Variants in APBB2 observed in about 807,000 individuals in gnomAD.
APBB2 encodes the protein amyloid beta precursor protein binding family B member 2.
In APBB2, 38 loss-of-function variants were observed where a neutral mutation model predicts 82.5. The observed-to-expected ratio is 0.46, with a 90% CI of 0.36 to 0.60. APBB2 has a LOEUF of 0.60. Among genes scored for constraint, APBB2 ranks in the 20% least tolerant of loss-of-function variants. APBB2 has a pLI of 0.00. For synonymous variants in APBB2, 341 were observed against 368.2 expected, an observed-to-expected ratio of 0.93 and a Z score of 0.85; for missense variants, 772 against 972.3, an observed-to-expected ratio of 0.79 and a Z score of 2.74.
At chr4:41,191,544 T>C in intron 1 of APBB2, among the ~76,000 whole-genome samples, 1 of 152,038 alleles carries the variant, frequency 6.6e-6, no homozygotes, top group East Asian at 1.9e-4. Context: ...CAATAAACAG[T>C]ACTAGGAAAA....
intron 10 of APBB2, among the ~76,000 whole-genome samples, chr4:40,901,017 A>G (rs1446796211): frequency 6.6e-6 from 1 of 152,166 alleles, no homozygotes; most frequent in Non-Finnish European, 1.5e-5. Context: ...GACATGGATC[A>G]AGAAGAGTAA....
chr4:41,119,185 T>G (rs1388729194), intron 2 of APBB2, among the ~76,000 whole-genome samples: 1 of 151,856 alleles, frequency 6.6e-6, no homozygotes, highest in African/African-American at 2.4e-5. Flanking sequence ...TGAGGTCAAT[T>G]TTCTTGACTG....
At chr4:41,209,212 C>T (rs1778714929) in intron 1 of APBB2, among the ~76,000 whole-genome samples, 1 of 152,164 alleles carries the variant, frequency 6.6e-6, no homozygotes, top group Non-Finnish European at 1.5e-5. Flanking sequence ...AATGGGATAA[C>T]AACTCCTCAC....
chr4:41,132,190 A>G (rs912892006), intron 2 of APBB2, among the ~76,000 whole-genome samples: 9 of 152,168 alleles, frequency 5.9e-5, no homozygotes, highest in African/African-American at 1.9e-4. Context: ...CGTATCTATT[A>G]CTACATTTCA....
intron 10 of APBB2, among the ~76,000 whole-genome samples, chr4:40,918,555 A>C (rs1780407922): frequency 6.6e-6 from 1 of 152,246 alleles, no homozygotes; most frequent in South Asian, 2.1e-4. Flanking sequence ...CATTTTTGGC[A>C]GTCCTTGTCA....
At chr4:41,003,711 C>A (rs376251634) in intron 6 of APBB2, among the ~76,000 whole-genome samples, 1 of 152,182 alleles carries the variant, frequency 6.6e-6, no homozygotes, top group Non-Finnish European at 1.5e-5. Flanking sequence ...GATGACATTT[C>A]GATTTTGGAT....
chr4:41,009,837 C>T (rs1018943862), intron 6 of APBB2, among the ~76,000 whole-genome samples: 3 of 152,064 alleles, frequency 2.0e-5, no homozygotes, highest in Non-Finnish European at 2.9e-5. Context: ...TATACACATA[C>T]ACATGTATAT....
At chr4:40,873,989 G>A (rs1234191797) in intron 12 of APBB2, among the ~76,000 whole-genome samples, 1 of 152,142 alleles carries the variant, frequency 6.6e-6, no homozygotes, top group Non-Finnish European at 1.5e-5. Flanking sequence ...CTTCCCAAAA[G>A]AATTAAGTGG....
At chr4:40,883,827 G>A (rs1454512466) in intron 12 of APBB2, among the ~76,000 whole-genome samples, 2 of 152,098 alleles carry the variant, frequency 1.3e-5, no homozygotes, top group Non-Finnish European at 2.9e-5. Context: ...TCTATGAAGA[G>A]CTGGGCTGTG....
chr4:40,950,583 C>T (rs958881369), intron 6 of APBB2, among the ~76,000 whole-genome samples: 1 of 151,758 alleles, frequency 6.6e-6, no homozygotes, highest in African/African-American at 2.4e-5. Context: ...TGTGGGGGCT[C>T]ACAGCTGTTA....
intron 4 of APBB2, among the ~76,000 whole-genome samples, chr4:41,047,372 A>G (rs1723824606): frequency 6.6e-6 from 1 of 152,290 alleles, no homozygotes. Flanking sequence ...TTATTGTTAT[A>G]GTCAGGATTT....
chr4:40,819,046 G>C (rs1386153588), intron 17 of APBB2, among the ~76,000 whole-genome samples: 1 of 151,892 alleles, frequency 6.6e-6, no homozygotes, highest in Non-Finnish European at 1.5e-5. Flanking sequence ...GGGGTGGGGG[G>C]GCGGCGGTCA....
intron 6 of APBB2, among the ~76,000 whole-genome samples, chr4:40,950,501 TAGG>T (rs1291914314): frequency 1.3e-5 from 2 of 152,146 alleles, no homozygotes; most frequent in Non-Finnish European, 2.9e-5. Flanking sequence ...TGCTTGAGTC[TAGG>T]AGTTTAAGAC....
chr4:40,881,534 C>CTTTTTTTTTTTTTTTTTTTTTTTTTTTTT (rs71198611), intron 12 of APBB2: 2 of 145,084 alleles, frequency 1.4e-5, no homozygotes, highest in African/African-American at 3.0e-5. Flanking sequence ...TTTTCTTTTT[C>CTTTTTTTTTTTTTTTTTTTTTTTTTTTTT]TTTTTTTTTT....
chr4:41,057,541 C>T (rs1415558593), intron 4 of APBB2, among the ~76,000 whole-genome samples: 1 of 152,222 alleles, frequency 6.6e-6, no homozygotes, highest in African/African-American at 2.4e-5. Flanking sequence ...CTAGAAGCTA[C>T]AGAGGCAAAC....
chr4:40,937,821 T>C (rs1248150603), intron 7 of APBB2, among the ~76,000 whole-genome samples: 1 of 152,266 alleles, frequency 6.6e-6, no homozygotes, highest in African/African-American at 2.4e-5. Context: ...CATGGTCTAT[T>C]CATCTAACTT....
chr4:40,881,829 C>T (rs760787281), intron 12 of APBB2, among the ~76,000 whole-genome samples: 30 of 152,066 alleles, frequency 2.0e-4, no homozygotes, highest in Non-Finnish European at 3.2e-4. Flanking sequence ...CCACTGCGCC[C>T]GGCCGAGACC....
Position 40,964,314 on chromosome 4 carries a change from G to C in APBB2, c.836-19241C>G, listed in dbSNP as rs114684586. Among the ~76,000 whole-genome samples the C allele has an allele frequency of 5.0e-3, 768 of 152,130 alleles. 2 individuals are homozygous for C. Among genetic ancestry groups the C allele is most frequent in the African/African-American group, 0.017 (708 of 41,494 alleles). On this transcript the variant is annotated intron_variant, in intron 6 of 17. Coordinates refer to ENST00000508593, the MANE Select transcript of APBB2 (RefSeq NM_004307.2). Reference sequence around the variant, plus strand: ...ACACCTACAAGCATTGAACTAGTAAGCTATCCCTAAAAAAACAGTCCATAA... The same window carrying C: ...ACACCTACAAGCATTGAACTAGTAACCTATCCCTAAAAAAACAGTCCATAA...
At chr4:40,888,784 T>C (rs533612196) in intron 12 of APBB2, among the ~76,000 whole-genome samples, 4 of 152,220 alleles carry the variant, frequency 2.6e-5, no homozygotes, top group East Asian at 3.9e-4. Flanking sequence ...CTTTGGCCCC[T>C]GCCTCGCACA....
Sources: gnomAD v4.1 joint callset for allele counts (sites outside exome capture counted in the v4.1 genomes callset) on GRCh38, gnomAD v4.1.1 for gene constraint, MANE v1.5 for transcripts, NCBI Gene and HGNC (gene_info 2026-07-23, HGNC 2026-07-21) for gene names.